PTPRD: variants seen among roughly 807,000 people sequenced by gnomAD.
PTPRD encodes the protein protein tyrosine phosphatase receptor type D.
A neutral mutation model predicts 214.5 loss-of-function variants in PTPRD; 34 were observed. The observed-to-expected ratio is 0.16, with a 90% CI of 0.12 to 0.21. PTPRD has a LOEUF of 0.21. Among genes scored for constraint, PTPRD ranks in the 10% least tolerant of loss-of-function variants. The pLI is 1.00. For missense variants in PTPRD, 2,545 were observed against 2,398.7 expected, an observed-to-expected ratio of 1.06 and a Z score of -1.27; for synonymous variants, 1,128 against 845.7, an observed-to-expected ratio of 1.33 and a Z score of -5.79.
At chr9:8,810,771 A>C (rs10977304) in intron 11 of PTPRD, among the ~76,000 whole-genome samples, 1 of 152,334 alleles carries the variant, frequency 6.6e-6, no homozygotes, top group East Asian at 1.9e-4. Flanking sequence ...TAACTCTAAT[A>C]ATCAGGAGAG....
chr9:9,532,338 A>T lies in PTPRD; in HGVS notation c.-237+42394T>A, dbSNP rs530035653. Among the ~76,000 whole-genome samples, 304 of 152,262 alleles carry T rather than the reference A, an allele frequency of 2.0e-3. 2 individuals carry two copies. Among genetic ancestry groups the T allele is most frequent in the African/African-American group, 6.8e-3 (282 of 41,570 alleles). On this transcript the variant is annotated intron_variant, in intron 8 of 45. Coordinates refer to ENST00000381196, the MANE Select transcript of PTPRD (RefSeq NM_002839.4). ...AAAACATAAAGTCTGGGACAAATGAAAGCTGGATTGTTTCAGAGCCTAGAA... is the reference window on the plus strand; with the variant it reads ...AAAACATAAAGTCTGGGACAAATGATAGCTGGATTGTTTCAGAGCCTAGAA...
intron 9 of PTPRD, among the ~76,000 whole-genome samples, chr9:9,338,987 G>A (rs1024105936): frequency 6.6e-6 from 1 of 152,108 alleles, no homozygotes; most frequent in East Asian, 1.9e-4. Flanking sequence ...GCTACTTTAA[G>A]GATGACATAT....
At chr9:9,527,710 A>G (rs1388645229) in intron 8 of PTPRD, among the ~76,000 whole-genome samples, 1 of 152,150 alleles carries the variant, frequency 6.6e-6, no homozygotes, top group African/African-American at 2.4e-5. Context: ...CTCTTTCCCA[A>G]TAAGGAGTTT....
At chr9:9,809,112 T>C (rs78679475) in intron 5 of PTPRD, among the ~76,000 whole-genome samples, 7,611 of 152,072 alleles carry the variant, frequency 0.05, 309 homozygotes, top group Middle Eastern at 0.095. Flanking sequence ...TCCCCAACTA[T>C]GTGGCCCTTC....
chr9:10,470,712 T>C (rs887924161), intron 2 of PTPRD, among the ~76,000 whole-genome samples: 4 of 152,144 alleles, frequency 2.6e-5, no homozygotes, highest in African/African-American at 9.7e-5. Flanking sequence ...AAAACTGTTT[T>C]CAGAAATTTT....
chr9:9,000,509 C>A (rs1428098144), intron 11 of PTPRD, among the ~76,000 whole-genome samples: 1 of 151,858 alleles, frequency 6.6e-6, no homozygotes, highest in African/African-American at 2.4e-5. Flanking sequence ...ACCTATTAAC[C>A]TTTTTAAAAA....
chr9:9,736,350 T>G (rs1237207659), intron 6 of PTPRD, among the ~76,000 whole-genome samples: 1 of 152,104 alleles, frequency 6.6e-6, no homozygotes, highest in Non-Finnish European at 1.5e-5. Context: ...TCATTCATCT[T>G]GTTGCTCATA....
chr9:9,974,789 G>C (rs2095290259), intron 4 of PTPRD, among the ~76,000 whole-genome samples: 7 of 152,090 alleles, frequency 4.6e-5, no homozygotes, highest in Admixed American at 4.6e-4. Flanking sequence ...GGTTGACATA[G>C]GAAATATTTG....
intron 8 of PTPRD, among the ~76,000 whole-genome samples, chr9:9,502,400 G>C (rs1469446019): frequency 2.0e-5 from 3 of 151,742 alleles, no homozygotes; most frequent in Non-Finnish European, 2.9e-5. Flanking sequence ...TATTCACTTA[G>C]CATGTCATCC....
intron 8 of PTPRD, among the ~76,000 whole-genome samples, chr9:9,417,740 C>G (rs554361923): frequency 7.0e-4 from 107 of 152,000 alleles, no homozygotes; most frequent in Admixed American, 3.5e-3. Context: ...AGTCATTTAA[C>G]CTCTTCAAAA....
chr9:8,468,041 C>T (rs749763388), intron 31 of PTPRD, among the ~76,000 whole-genome samples: 1 of 151,930 alleles, frequency 6.6e-6, no homozygotes, highest in East Asian at 1.9e-4. Context: ...AGTTAATAGT[C>T]GCAATTCATC....
At chr9:10,380,662 G>T (rs1229839162) in intron 2 of PTPRD, among the ~76,000 whole-genome samples, 1 of 152,018 alleles carries the variant, frequency 6.6e-6, no homozygotes, top group African/African-American at 2.4e-5. Context: ...GGAGTATTCT[G>T]AAGTCCACGG....
At chr9:9,690,020 C>G (rs1255955944) in intron 7 of PTPRD, among the ~76,000 whole-genome samples, 2 of 151,756 alleles carry the variant, frequency 1.3e-5, no homozygotes, top group Non-Finnish European at 2.9e-5. Context: ...GCTCCATATA[C>G]TGGGTTATAT....
At chr9:9,487,079 CTTTAAGT>C (rs1390060948) in intron 8 of PTPRD, among the ~76,000 whole-genome samples, 1 of 151,994 alleles carries the variant, frequency 6.6e-6, no homozygotes, top group Non-Finnish European at 1.5e-5. Context: ...TATTATGATA[CTTTAAGT>C]TTTAGGGTAC....
chr9:10,203,097 G>A (rs576637322), intron 3 of PTPRD, among the ~76,000 whole-genome samples: 1 of 151,654 alleles, frequency 6.6e-6, no homozygotes, highest in African/African-American at 2.4e-5. Context: ...CAGAGTGGAG[G>A]GACACTGTGG....
At chr9:9,246,713 G>A (rs1176129023) in intron 9 of PTPRD, among the ~76,000 whole-genome samples, 4 of 152,034 alleles carry the variant, frequency 2.6e-5, no homozygotes, top group Non-Finnish European at 4.4e-5. Flanking sequence ...TGGGAGCTGA[G>A]ACTTCACAGT....
intron 2 of PTPRD, among the ~76,000 whole-genome samples, chr9:10,352,069 T>C (rs755328352): frequency 5.9e-5 from 9 of 152,050 alleles, no homozygotes; most frequent in Non-Finnish European, 1.2e-4. Context: ...AAGTGGCTTC[T>C]TATTCACCAA....
At chr9:9,487,329 C>A (rs370125853) in intron 8 of PTPRD, among the ~76,000 whole-genome samples, 2 of 151,562 alleles carry the variant, frequency 1.3e-5, no homozygotes, top group Non-Finnish European at 2.9e-5. Context: ...TTTGTCCTTG[C>A]GATAGTTTGC....
rs73390894 is a variant in PTPRD, at chr9:9,339,045, T to C, written c.-203+58404A>G. Among the ~76,000 whole-genome samples the C allele has an allele frequency of 4.2e-3, 639 of 152,302 alleles. 5 individuals carry two copies. The highest frequency in any genetic ancestry group is 0.015 in the African/African-American group (604 of 41,574). ...AATGGTCATATCCTCTGTTGAGCTA[T>C]AAATGGAAAATACACTTTAATCTTG... On this transcript the variant is annotated intron_variant, in intron 9 of 45. Coordinates refer to ENST00000381196, the MANE Select transcript of PTPRD (RefSeq NM_002839.4).
Sources: allele counts gnomAD v4.1 joint callset (sites outside exome capture counted in the v4.1 genomes callset), GRCh38; gene constraint gnomAD v4.1.1; transcripts MANE v1.5; gene names NCBI Gene and HGNC (gene_info 2026-07-23, HGNC 2026-07-21).